Variants in PPM1L observed in about 807,000 individuals in gnomAD.
The protein encoded by PPM1L is protein phosphatase, Mg2+/Mn2+ dependent 1L, also known as protein phosphatase 1L.
In PPM1L, 13 loss-of-function variants were observed where a neutral mutation model predicts 31.4. The ratio of observed to expected loss-of-function variants is 0.41; its 90% CI spans 0.27 to 0.66. PPM1L has a LOEUF of 0.66. Ranked by LOEUF, PPM1L falls within the 30% of genes least tolerant of loss-of-function variation. The pLI is 0.29. For missense variants in PPM1L, 326 were observed against 453.7 expected, an observed-to-expected ratio of 0.72 and a Z score of 2.56; for synonymous variants, 184 against 175.4, an observed-to-expected ratio of 1.05 and a Z score of -0.39.
At chr3:160,858,126 T>A (rs953308724) in intron 1 of PPM1L, among the ~76,000 whole-genome samples, 10 of 152,236 alleles carry the variant, frequency 6.6e-5, no homozygotes, top group Non-Finnish European at 1.2e-4. Context: ...TACTGTGTAA[T>A]GTGGACTATT....
At chr3:160,948,341 C>T (rs977225423) in intron 1 of PPM1L, among the ~76,000 whole-genome samples, 27 of 150,640 alleles carry the variant, frequency 1.8e-4, no homozygotes, top group African/African-American at 6.5e-4. Flanking sequence ...AATAAGATAC[C>T]CTTTCAAACC....
chr3:160,814,393 C>T (rs1453777322), intron 1 of PPM1L, among the ~76,000 whole-genome samples: 1 of 151,966 alleles, frequency 6.6e-6, no homozygotes, highest in Non-Finnish European at 1.5e-5. Context: ...ATGTTTATGG[C>T]AGCACAATTC....
At chr3:160,992,187 T>C (rs980889997) in intron 2 of PPM1L, among the ~76,000 whole-genome samples, 4 of 152,166 alleles carry the variant, frequency 2.6e-5, no homozygotes, top group African/African-American at 9.7e-5. Flanking sequence ...GTAAAGGATA[T>C]GGGTGGGTAA....
chr3:161,047,832 G>A (rs1426390581), intron 2 of PPM1L, among the ~76,000 whole-genome samples: 4 of 152,180 alleles, frequency 2.6e-5, no homozygotes, highest in Non-Finnish European at 5.9e-5. Context: ...AACAAGAAAT[G>A]GGGAAAGGAT....
At chr3:161,060,625 G>T (rs561209721) in intron 2 of PPM1L, among the ~76,000 whole-genome samples, 34 of 152,122 alleles carry the variant, frequency 2.2e-4, no homozygotes, top group African/African-American at 7.5e-4. Flanking sequence ...TTGAGCAATG[G>T]AGTGGATTAT....
chr3:160,802,052 G>A (rs866299302), intron 1 of PPM1L, among the ~76,000 whole-genome samples: 2 of 152,148 alleles, frequency 1.3e-5, no homozygotes, highest in South Asian at 2.1e-4. Flanking sequence ...CATCTTGGTG[G>A]CTACGTCGGG....
At chr3:160,822,637 C>T (rs1219689380) in intron 1 of PPM1L, among the ~76,000 whole-genome samples, 1 of 152,012 alleles carries the variant, frequency 6.6e-6, no homozygotes, top group African/African-American at 2.4e-5. Flanking sequence ...AGTAAGTATA[C>T]ATGAGCGATA....
At chr3:160,824,338 A>G (rs376337907) in intron 1 of PPM1L, among the ~76,000 whole-genome samples, 41 of 152,226 alleles carry the variant, frequency 2.7e-4, no homozygotes, top group African/African-American at 9.6e-4. Flanking sequence ...TGAGAAATCA[A>G]TTTCTGTTGT....
intron 1 of PPM1L, among the ~76,000 whole-genome samples, chr3:160,944,793 T>TATATATAAC (rs1458427654): frequency 1.3e-4 from 4 of 29,992 alleles, no homozygotes; most frequent in South Asian, 1.3e-3. Context: ...TTATATATGT[T>TATATATAAC]ATATATAACA....
At chr3:160,816,670 G>GA (rs967492835) in intron 1 of PPM1L, among the ~76,000 whole-genome samples, 12 of 151,966 alleles carry the variant, frequency 7.9e-5, no homozygotes, top group African/African-American at 2.4e-4. Flanking sequence ...AAATATAGGG[G>GA]AAAAAATCTA....
chr3:160,886,440 A>G (rs188786580), intron 1 of PPM1L, among the ~76,000 whole-genome samples: 1 of 152,314 alleles, frequency 6.6e-6, no homozygotes, highest in African/African-American at 2.4e-5. Context: ...TCTATACAGG[A>G]GCAATCCTAC....
intron 2 of PPM1L, among the ~76,000 whole-genome samples, chr3:160,977,733 T>G (rs953322271): frequency 2.0e-5 from 3 of 152,124 alleles, no homozygotes; most frequent in Non-Finnish European, 4.4e-5. Flanking sequence ...AAATGTACTA[T>G]CCATAAAGAA....
chr3:160,822,214 C>T (rs937878414), intron 1 of PPM1L, among the ~76,000 whole-genome samples: 4 of 151,558 alleles, frequency 2.6e-5, no homozygotes, highest in East Asian at 1.9e-4. Context: ...TTTCTAAAAG[C>T]GGACTTCTTG....
intron 2 of PPM1L, among the ~76,000 whole-genome samples, chr3:161,062,342 C>T (rs1251879391): frequency 1.3e-5 from 2 of 152,282 alleles, no homozygotes; most frequent in African/African-American, 4.8e-5. Flanking sequence ...GTGGCTCACA[C>T]CTGTAATCCC....
At chr3:160,788,783 A>G (rs192721256) in intron 1 of PPM1L, among the ~76,000 whole-genome samples, 1 of 152,202 alleles carries the variant, frequency 6.6e-6, no homozygotes, top group Non-Finnish European at 1.5e-5. Context: ...TTGCTATAAT[A>G]ATCCATCTTT....
intron 1 of PPM1L, among the ~76,000 whole-genome samples, chr3:160,790,414 G>A (rs1425493971): frequency 2.0e-5 from 3 of 152,080 alleles, no homozygotes; most frequent in Non-Finnish European, 4.4e-5. Context: ...CACAGTTTTT[G>A]CAAATATGTT....
At position 161,058,118 on chromosome 3, in the gene PPM1L, C is replaced by CTTTTTTTTTTTTTTTTTTTTTT. The variant is rs1186931971; in HGVS notation, c.575-7282_575-7261dup. Among the ~76,000 whole-genome samples the CTTTTTTTTTTTTTTTTTTTTTT allele has an allele frequency of 1.1e-3, 58 of 54,926 alleles. 16 individuals carry two copies. Among genetic ancestry groups the CTTTTTTTTTTTTTTTTTTTTTT allele is most frequent in the Non-Finnish European group, 1.6e-3 (45 of 28,192 alleles). 36.0% of individuals were successfully genotyped at this position (54,926 alleles called of 152,430 possible). On this transcript the variant is annotated intron_variant, in intron 2 of 3. Coordinates refer to ENST00000498165, the MANE Select transcript of PPM1L (RefSeq NM_139245.4). The stretch of plus-strand genomic sequence containing the variant: ...TTAGTAGGGTCCATCATTTTCTTTC[C>CTTTTTTTTTTTTTTTTTTTTTT]TTTTTTTTTTTTTTTTTTTTTTTTG...
At chr3:160,794,877 C>T (rs1210609414) in intron 1 of PPM1L, among the ~76,000 whole-genome samples, 2 of 152,116 alleles carry the variant, frequency 1.3e-5, no homozygotes, top group African/African-American at 4.8e-5. Context: ...ATGTGGCCCA[C>T]GGGTAGAGGG....
chr3:160,934,986 A>G (rs543050925), intron 1 of PPM1L, among the ~76,000 whole-genome samples: 1 of 152,268 alleles, frequency 6.6e-6, no homozygotes, highest in East Asian at 1.9e-4. Context: ...TCATGTTTTA[A>G]TGGCTGTATG....
Sources: gnomAD v4.1 joint callset for allele counts (sites outside exome capture counted in the v4.1 genomes callset) on GRCh38, gnomAD v4.1.1 for gene constraint, MANE v1.5 for transcripts, NCBI Gene and HGNC (gene_info 2026-07-23, HGNC 2026-07-21) for gene names.